ABR: variants seen among roughly 807,000 people sequenced by gnomAD.
ABR encodes the protein active breakpoint cluster region-related protein.
ABR carries 35 observed loss-of-function variants against 107.2 expected under a neutral mutation model. The observed-to-expected ratio is 0.33, with a 90% confidence interval of 0.25 to 0.43. ABR has a LOEUF of 0.43. ABR is among the 20% of genes least tolerant of loss of function. The pLI is 1.00. For missense variants in ABR, 815 were observed against 1,115.2 expected, an observed-to-expected ratio of 0.73 and a Z score of 3.83; for synonymous variants, 498 against 462.0, an observed-to-expected ratio of 1.08 and a Z score of -1.00.
rs11653072 is a variant in ABR at position 1,050,763 on chromosome 17, C to T, written c.1562-129G>A. The T allele has an allele frequency of 2.7e-6, 2 of 737,168 alleles. No homozygotes were observed. Among genetic ancestry groups the T allele is most frequent in the South Asian group, 1.6e-5 (1 of 61,992 alleles). The allele number at this position is 737,168 out of a possible 1,614,324, so 45.7% of individuals were successfully genotyped here. A position where few individuals can be genotyped will look rare whatever the true frequency, so the allele number is the denominator to read the frequency against. On this transcript the variant is annotated intron_variant, in intron 14 of 22. Transcript: ENST00000302538. The surrounding 1 kb of genome is among the most constrained non-coding windows in gnomAD (Gnocchi z 4.6). ...CGTCCCCACGGATGGCATCTTGGCT[C>T]TCTCCTCCCTGAAGCCCGGGACCAT...
intron 1 of ABR, among the ~76,000 whole-genome samples, chr17:1,128,958 G>T (rs1245608401): frequency 6.6e-6 from 1 of 152,250 alleles, no homozygotes; most frequent in Non-Finnish European, 1.5e-5. Context: ...GAAAGAAAAA[G>T]TGCCAAATGC....
chr17:1,053,505 C>T (rs1336475885), intron 14 of ABR, among the ~76,000 whole-genome samples: 1 of 152,062 alleles, frequency 6.6e-6, no homozygotes. Context: ...CCCAGCTCTG[C>T]ACAGATCACC....
At chr17:1,192,414 G>GCA (rs1324571615) in intron 1 of ABR, among the ~76,000 whole-genome samples, 7 of 152,132 alleles carry the variant, frequency 4.6e-5, no homozygotes, top group African/African-American at 1.7e-4. Flanking sequence ...ACAGTGGTCT[G>GCA]GACAGTGAGT....
chr17:1,224,531 A>G (rs1042040234), intron 1 of ABR, among the ~76,000 whole-genome samples: 1 of 152,198 alleles, frequency 6.6e-6, no homozygotes, highest in African/African-American at 2.4e-5. Context: ...CTGAATGCAG[A>G]TAATGAGTGT....
chr17:1,031,654 G>A lies in ABR; in HGVS notation c.1791+18396C>T, dbSNP rs1014424539. Reference sequence around the variant, plus strand: ...CCCCAGAGCCGGGCGCCGGTGTTGGGGGGGCGCTTGCTCCCCGACTCCTCC... The same window carrying A: ...CCCCAGAGCCGGGCGCCGGTGTTGGAGGGGCGCTTGCTCCCCGACTCCTCC... On this transcript the variant is annotated intron_variant, in intron 16 of 22. Coordinates refer to ENST00000302538, the MANE Select transcript of ABR (RefSeq NM_021962.5). 88 of 1,258,718 alleles carry A rather than the reference G, an allele frequency of 7.0e-5. No homozygotes were observed. The African/African-American group carries it at 1.1e-3, about 16-fold the overall frequency. 78.0% of individuals were successfully genotyped at this position (1,258,718 alleles called of 1,614,324 possible).
intron 2 of ABR, among the ~76,000 whole-genome samples, chr17:1,118,083 C>G (rs1597877642): frequency 2.1e-5 from 1 of 47,008 alleles, no homozygotes. Flanking sequence ...TCCTTCCCAG[C>G]GTTATCCCTG....
At position 1,051,899 on chromosome 17, in the gene ABR, C is replaced by G. The variant is rs560291887; in HGVS notation, c.1562-1265G>C. Reference sequence around the variant, plus strand: ...GACCAGCCTGACCAACATGGTGAAACCCCATCTCTACTAAAAATACAAAAG... The same window carrying G: ...GACCAGCCTGACCAACATGGTGAAAGCCCATCTCTACTAAAAATACAAAAG... On this transcript the variant is annotated intron_variant, in intron 14 of 22. Coordinates refer to ENST00000302538, the MANE Select transcript of ABR (RefSeq NM_021962.5). The surrounding 1 kb of genome is among the most constrained non-coding windows in gnomAD (Gnocchi z 4.3). 6.6e-6 allele frequency among the ~76,000 whole-genome samples: 1 copy of G among 152,174 alleles called. No individual in the cohort carries two copies. Among genetic ancestry groups the G allele is most frequent in the South Asian group, 2.1e-4 (1 of 4,814 alleles).
At chr17:1,101,777 AG>A (rs1244214567) in intron 2 of ABR, among the ~76,000 whole-genome samples, 1 of 148,010 alleles carries the variant, frequency 6.8e-6, no homozygotes, top group African/African-American at 2.5e-5. Context: ...TCTGTCGCCC[AG>A]GCTAGAGTGC....
At chr17:1,115,811 C>T (rs2440058) in intron 2 of ABR, among the ~76,000 whole-genome samples, 5 of 151,638 alleles carry the variant, frequency 3.3e-5, no homozygotes, top group Admixed American at 6.6e-5. Flanking sequence ...CTGTAATCCC[C>T]GCTACTAGGG....
chr17:1,028,551 C>T (rs1054071905), intron 16 of ABR, among the ~76,000 whole-genome samples: 27 of 152,232 alleles, frequency 1.8e-4, no homozygotes, highest in Non-Finnish European at 2.6e-4. Context: ...CTCTCCACCC[C>T]GCCCTTCCTC....
intron 16 of ABR, among the ~76,000 whole-genome samples, chr17:1,039,058 C>T (rs796113863): frequency 5.3e-5 from 8 of 152,312 alleles, no homozygotes; most frequent in East Asian, 1.9e-4. Flanking sequence ...ACCCAGGTCC[C>T]GTGCCTCTGA....
intron 14 of ABR, among the ~76,000 whole-genome samples, chr17:1,054,326 C>G (rs114487843): frequency 3.3e-5 from 5 of 152,226 alleles, no homozygotes; most frequent in African/African-American, 1.2e-4. Context: ...CATTTCTGAG[C>G]TCCCATGCAT....
At chr17:1,012,392 G>A (rs2070676430) in intron 18 of ABR, 1 of 664,564 alleles carries the variant, frequency 1.5e-6, no homozygotes, top group Non-Finnish European at 2.8e-6. Flanking sequence ...CCCCGTTGGT[G>A]CCGAGCCCAA....
intron 5 of ABR, among the ~76,000 whole-genome samples, chr17:1,082,050 C>T (rs947145685): frequency 1.3e-5 from 2 of 152,018 alleles, no homozygotes; most frequent in South Asian, 2.1e-4. Context: ...GGGCATCGAC[C>T]GTCACCCCTG....
chr17:1,101,757 G>A lies in ABR; in HGVS notation c.247-1022C>T, dbSNP rs549291933. 9.0e-3 allele frequency among the ~76,000 whole-genome samples: 1,350 copies of A among 150,028 alleles called. 20 individuals are homozygous for A. Among genetic ancestry groups the A allele is most frequent in the African/African-American group, 0.03 (1,221 of 40,750 alleles). On this transcript the variant is annotated intron_variant, in intron 2 of 22. Transcript: ENST00000302538. ...TTCTTTTTTTTTTTTTTTTAGAGACGGAGTCTCGCTCTGTCGCCCAGGCTA... is the reference window on the plus strand; with the variant it reads ...TTCTTTTTTTTTTTTTTTTAGAGACAGAGTCTCGCTCTGTCGCCCAGGCTA...
chr17:1,226,696 GGTGT>G (rs55866246), intron 1 of ABR, among the ~76,000 whole-genome samples: 12 of 149,972 alleles, frequency 8.0e-5, no homozygotes, highest in Admixed American at 2.7e-4. Flanking sequence ...TACATGTGCA[GGTGT>G]GTGTGTGTGC....
At position 1,010,143 on chromosome 17, in the gene ABR, T is replaced by C. The variant is rs942787550; in HGVS notation, c.2237-359A>G. 6.8e-6 allele frequency: 2 copies of C among 295,752 alleles called. No homozygotes were observed. Among genetic ancestry groups the C allele is most frequent in the Non-Finnish European group, 1.3e-5 (2 of 154,920 alleles). 18.3% of individuals were successfully genotyped at this position (295,752 alleles called of 1,614,324 possible). ...GACATATCCTGCCAGCGGTGGATTC[T>C]CTTTCTCCACCCCTTCTGCTGCTGG... On this transcript the variant is annotated intron_variant, in intron 20 of 22. Coordinates refer to ENST00000302538, the MANE Select transcript of ABR (RefSeq NM_021962.5). The surrounding 1 kb of genome is among the most constrained non-coding windows in gnomAD (Gnocchi z 4.1).
At chr17:1,020,334 C>T (rs542620862) in intron 16 of ABR, among the ~76,000 whole-genome samples, 113 of 152,324 alleles carry the variant, frequency 7.4e-4, no homozygotes, top group African/African-American at 2.7e-3. Context: ...CCACCCGCCT[C>T]GGCCTCCCAA....
At chr17:1,196,012 C>G (rs748375508) in intron 1 of ABR, among the ~76,000 whole-genome samples, 6 of 149,826 alleles carry the variant, frequency 4.0e-5, no homozygotes, top group African/African-American at 7.5e-5. Flanking sequence ...GCCTGTAATC[C>G]CAGGTACTCA....
Sources: allele counts gnomAD v4.1 joint callset (sites outside exome capture counted in the v4.1 genomes callset), GRCh38; gene constraint gnomAD v4.1.1; non-coding constraint Gnocchi (gnomAD v3.1); transcripts MANE v1.5; gene names NCBI Gene and HGNC (gene_info 2026-07-23, HGNC 2026-07-21).